TBXAS1: variants seen among roughly 807,000 people sequenced by gnomAD.
The protein encoded by TBXAS1 is thromboxane-A synthase.
A neutral mutation model predicts 60.7 loss-of-function variants in TBXAS1; 48 were observed. The ratio of observed to expected loss-of-function variants is 0.79; its 90% CI spans 0.63 to 1.01. The LOEUF is 1.01. Among genes scored for constraint, TBXAS1 ranks in the 50% least tolerant of loss-of-function variants. TBXAS1 has a pLI of 0.00. For synonymous variants in TBXAS1, 287 were observed against 269.7 expected (o/e 1.06, Z -0.63); for missense variants, 685 against 686.3 (o/e 1.00, Z 0.02).
chr7:139,866,064 T>C (rs907955523), intron 1 of TBXAS1, among the ~76,000 whole-genome samples: 1 of 152,232 alleles, frequency 6.6e-6, no homozygotes, highest in African/African-American at 2.4e-5. Context: ...AATACATTGA[T>C]GTAGCTTACA....
At chr7:139,894,817 A>G (rs1803953261) in intron 3 of TBXAS1, among the ~76,000 whole-genome samples, 2 of 152,304 alleles carry the variant, frequency 1.3e-5, no homozygotes, top group South Asian at 4.1e-4. Flanking sequence ...TGTCCACTCA[A>G]CAGACATTTC....
intron 9 of TBXAS1, among the ~76,000 whole-genome samples, chr7:139,984,642 GAA>G (rs370963810): frequency 0.032 from 2,313 of 72,462 alleles, 96 homozygotes; most frequent in East Asian, 0.14. Context: ...GAGAGAGAGA[GAA>G]AGAAAGAAAG....
rs1002348114 is a variant in TBXAS1 at position 139,852,428 on chromosome 7, A to C, written c.90-19807A>C. ...AGAACCCAGAGAGGTGAGAGCCAGA[A>C]GCAAACACACTGAGGAACAACGGGC... On this transcript the variant is annotated intron_variant, in intron 1 of 12. Transcript: ENST00000448866. This position sits in a 1 kb window ranked among gnomAD's most constrained non-coding sequence, Gnocchi z 4.4. 6.6e-6 allele frequency among the ~76,000 whole-genome samples: 1 copy of C among 152,234 alleles called. No homozygotes were observed. The highest frequency in any genetic ancestry group is 2.4e-5 in the African/African-American group (1 of 41,468).
chr7:139,918,811 A>C (rs1340192751), intron 4 of TBXAS1, among the ~76,000 whole-genome samples: 1 of 152,148 alleles, frequency 6.6e-6, no homozygotes, highest in Non-Finnish European at 1.5e-5. Context: ...CACATCTCAC[A>C]ACCTCACCCG....
Position 139,852,657 on chromosome 7 carries a change from A to G in TBXAS1, c.90-19578A>G, listed in dbSNP as rs1800297546. 6.6e-6 allele frequency among the ~76,000 whole-genome samples: 1 copy of G among 151,678 alleles called. No individual in the cohort carries two copies. Among genetic ancestry groups the G allele is most frequent in the Non-Finnish European group, 1.5e-5 (1 of 67,930 alleles). ...AGGGGATTATAAATATTTTTTTGAA[A>G]CTCTTAACAATATTCTTTTGTTACT... On this transcript the variant is annotated intron_variant, in intron 1 of 12. Coordinates refer to ENST00000448866, the MANE Select transcript of TBXAS1 (RefSeq NM_001061.7). The surrounding 1 kb of genome is among the most constrained non-coding windows in gnomAD (Gnocchi z 4.4).
At chr7:139,853,828 T>G (rs144920777) in intron 1 of TBXAS1, among the ~76,000 whole-genome samples, 148 of 152,308 alleles carry the variant, frequency 9.7e-4, no homozygotes, top group African/African-American at 3.5e-3. Context: ...TAGACAGGAT[T>G]AGATTCCTAC....
chr7:139,964,444 C>T (rs1356829589), intron 9 of TBXAS1, among the ~76,000 whole-genome samples: 4 of 152,156 alleles, frequency 2.6e-5, no homozygotes, highest in African/African-American at 9.7e-5. Flanking sequence ...GATAGGCTTA[C>T]ACCAATCAGA....
Position 139,913,235 on chromosome 7 carries a change from T to C in TBXAS1, c.333+1914T>C, listed in dbSNP as rs938438407. The C allele has an allele frequency of 8.9e-6, 6 of 676,204 alleles. No homozygotes were observed. In the Admixed American group the frequency reaches 1.0e-4, roughly 12 times the overall value. The allele number at this position is 676,204 out of a possible 1,614,324, so 41.9% of individuals were successfully genotyped here. ...TTCTCTTTCCCAAACACTGCATTGC[T>C]ATCTCCTCGCTCAAAGTCCCCTGGA... is the stretch of plus-strand genomic sequence containing the variant. On this transcript the variant is annotated intron_variant, in intron 4 of 12. Coordinates refer to ENST00000448866, the MANE Select transcript of TBXAS1 (RefSeq NM_001061.7).
intron 3 of TBXAS1, among the ~76,000 whole-genome samples, chr7:139,886,305 C>T (rs896179341): frequency 1.3e-5 from 2 of 151,934 alleles, no homozygotes; most frequent in Non-Finnish European, 2.9e-5. Context: ...AGTTTATTGG[C>T]CTATTTATAA....
chr7:139,807,658 C>G (rs960848928), intron 4 of TBXAS1, among the ~76,000 whole-genome samples: 1 of 152,194 alleles, frequency 6.6e-6, no homozygotes, highest in Non-Finnish European at 1.5e-5. Flanking sequence ...GCTGGGATTA[C>G]AGGCGTGAGC....
chr7:139,847,005 C>T (rs943911372), intron 1 of TBXAS1, among the ~76,000 whole-genome samples: 4 of 152,128 alleles, frequency 2.6e-5, no homozygotes, highest in Non-Finnish European at 4.4e-5. Flanking sequence ...TCATTCTCTC[C>T]CTGTCTCCTT....
At chr7:139,942,662 A>G (rs1584912578) in intron 5 of TBXAS1, among the ~76,000 whole-genome samples, 2 of 152,354 alleles carry the variant, frequency 1.3e-5, no homozygotes, top group Admixed American at 1.3e-4. Flanking sequence ...TGAGTGCCTA[A>G]GGATATATGT....
chr7:139,979,367 T>A (rs911015943), intron 9 of TBXAS1, among the ~76,000 whole-genome samples: 4 of 152,004 alleles, frequency 2.6e-5, no homozygotes, highest in African/African-American at 9.7e-5. Context: ...TGTCCATCTT[T>A]ACCATAAAAA....
chr7:139,905,359 A>G (rs955439701), intron 3 of TBXAS1, among the ~76,000 whole-genome samples: 1 of 152,170 alleles, frequency 6.6e-6, no homozygotes, highest in African/African-American at 2.4e-5. Context: ...CTTTTTCTGC[A>G]TCTATTGAGA....
chr7:139,983,505 C>T (rs1478778095), intron 9 of TBXAS1, among the ~76,000 whole-genome samples: 2 of 152,158 alleles, frequency 1.3e-5, no homozygotes, highest in Non-Finnish European at 2.9e-5. Flanking sequence ...CTTGCTGTGT[C>T]TCTTACCCTC....
chr7:139,846,833 C>T (rs1799840646), intron 1 of TBXAS1, among the ~76,000 whole-genome samples: 1 of 152,060 alleles, frequency 6.6e-6, no homozygotes, highest in African/African-American at 2.4e-5. Flanking sequence ...GGGATGGTCA[C>T]CAATGGTGTG....
At chr7:139,929,554 G>C (rs1014846770) in intron 4 of TBXAS1, among the ~76,000 whole-genome samples, 5 of 152,206 alleles carry the variant, frequency 3.3e-5, no homozygotes, top group African/African-American at 1.2e-4. Flanking sequence ...AAGTTTAAAA[G>C]TAGAAGGCAA....
At chr7:139,794,519 T>C (rs1797492079) in intron 4 of TBXAS1, among the ~76,000 whole-genome samples, 2 of 152,136 alleles carry the variant, frequency 1.3e-5, no homozygotes, top group South Asian at 4.1e-4. Context: ...CCTTTCTTTT[T>C]TTTTTTTATT....
chr7:139,844,964 A>T (rs1461013427), intron 1 of TBXAS1, among the ~76,000 whole-genome samples: 4 of 151,556 alleles, frequency 2.6e-5, no homozygotes, highest in African/African-American at 7.3e-5. Flanking sequence ...GCCTCTCAGC[A>T]TTGGCACATT....
Sources: allele counts gnomAD v4.1 joint callset (sites outside exome capture counted in the v4.1 genomes callset), GRCh38; gene constraint gnomAD v4.1.1; non-coding constraint Gnocchi (gnomAD v3.1); transcripts MANE v1.5; gene names NCBI Gene and HGNC (gene_info 2026-07-23, HGNC 2026-07-21).